The following ADAMTS19 variants were observed in gnomAD, a reference collection of about 807,000 sequenced individuals.
ADAMTS19 encodes the protein A disintegrin and metalloproteinase with thrombospondin motifs 19.
In ADAMTS19, 93 loss-of-function variants were observed where a neutral mutation model predicts 153.3. The observed-to-expected ratio is 0.61, with a 90% CI of 0.51 to 0.72. The LOEUF is 0.72. Among genes scored for constraint, ADAMTS19 ranks in the 30% least tolerant of loss-of-function variants. The pLI is 0.00. For synonymous variants in ADAMTS19, 600 were observed against 556.6 expected (o/e 1.08, Z -1.10); for missense variants, 1,482 against 1,552.1 (o/e 0.95, Z 0.76).
At chr5:129,661,541 C>T (rs1753813104) in intron 15 of ADAMTS19, among the ~76,000 whole-genome samples, 1 of 152,158 alleles carries the variant, frequency 6.6e-6, no homozygotes, top group Non-Finnish European at 1.5e-5. Context: ...GTATGAGTAA[C>T]CCACGTGCAA....
intron 6 of ADAMTS19, among the ~76,000 whole-genome samples, chr5:129,536,311 A>C (rs1458185884): frequency 6.6e-6 from 1 of 152,224 alleles, no homozygotes; most frequent in Admixed American, 6.5e-5. Context: ...ACATGAAAAA[A>C]TGCTCATCAT....
intron 2 of ADAMTS19, among the ~76,000 whole-genome samples, chr5:129,464,711 G>A (rs1580974181): frequency 1.3e-5 from 2 of 152,152 alleles, no homozygotes; most frequent in African/African-American, 4.8e-5. Flanking sequence ...GGCAAAGCCT[G>A]CCTCTTCAAA....
intron 2 of ADAMTS19, among the ~76,000 whole-genome samples, chr5:129,479,610 A>G (rs1750343450): frequency 6.6e-6 from 1 of 152,222 alleles, no homozygotes; most frequent in Admixed American, 6.5e-5. Context: ...GTTTAGCAAG[A>G]TGGCGGGATA....
At position 129,461,521 on chromosome 5, in the gene ADAMTS19, G is replaced by C. The variant is rs775740515; in HGVS notation, c.511G>C (p.Val171Leu). The change falls in exon 2 of 23, where the codon GTG becomes CTG. Residue 171 changes from valine (V) to leucine (L), a missense_variant. By Grantham distance (32) the Val-to-Leu change is conservative. This residue lies in a region of ADAMTS19 where 866 missense variants were observed against 827.7 expected (regional missense o/e 1.05). Coordinates refer to ENST00000274487, the MANE Select transcript of ADAMTS19 (RefSeq NM_133638.6). The surrounding 1 kb of genome is among the most constrained non-coding windows in gnomAD (Gnocchi z 4.6). ...GCATGCCGAGCCGGATGGCGACGAA[G>C]TGTTGCTGCGGATCCCGGCCTTCTC... is the stretch of plus-strand genomic sequence containing the variant. ...AQHAEPDGDE[V>L]LLRIPAFSRD... 2 of 1,524,670 alleles carry C rather than the reference G, an allele frequency of 1.3e-6. No homozygotes were observed. The highest frequency in any genetic ancestry group is 2.4e-5 in the South Asian group (2 of 83,080). 94.4% of individuals were successfully genotyped at this position (1,524,670 alleles called of 1,614,324 possible).
In ADAMTS19 at chr5:129,648,983, A is replaced by G. The variant is rs1415816965; in HGVS notation, c.2176+13A>G. 1 of 1,566,216 alleles carries G rather than the reference A, an allele frequency of 6.4e-7. No homozygotes were observed. Among genetic ancestry groups the G allele is most frequent in the African/African-American group, 1.3e-5 (1 of 74,104 alleles). On this transcript the variant is annotated intron_variant, in intron 13 of 22. Transcript: ENST00000274487. The stretch of plus-strand genomic sequence containing the variant: ...GTCCTGGATGAAGGTATGACCAACC[A>G]GATCACCACCATCTTTGTTAACTAG...
chr5:129,553,675 T>C (rs1753213255), intron 7 of ADAMTS19, among the ~76,000 whole-genome samples: 1 of 152,204 alleles, frequency 6.6e-6, no homozygotes, highest in Non-Finnish European at 1.5e-5. Flanking sequence ...TAGTTCTCCC[T>C]TCCGTATCTT....
At chr5:129,727,794 T>C (rs1757268503) in intron 21 of ADAMTS19, among the ~76,000 whole-genome samples, 1 of 152,152 alleles carries the variant, frequency 6.6e-6, no homozygotes, top group Non-Finnish European at 1.5e-5. Context: ...ACTAGCTTCT[T>C]TCTCTTAGCA....
intron 14 of ADAMTS19, among the ~76,000 whole-genome samples, chr5:129,655,808 G>A (rs1753523624): frequency 6.6e-6 from 1 of 152,158 alleles, no homozygotes; most frequent in African/African-American, 2.4e-5. Flanking sequence ...TTGCCAGTAG[G>A]CTATAAAGTT....
At chr5:129,530,286 G>A (rs1017628703) in intron 6 of ADAMTS19, among the ~76,000 whole-genome samples, 1 of 152,168 alleles carries the variant, frequency 6.6e-6, no homozygotes, top group African/African-American at 2.4e-5. Context: ...GATTAATGTT[G>A]TTGTAATTGG....
intron 16 of ADAMTS19, 35 bp from the exon 17 acceptor site, chr5:129,679,729 G>T (rs371218691): frequency 1.6e-5 from 25 of 1,531,170 alleles, no homozygotes; most frequent in Admixed American, 7.9e-5. Context: ...AAGCTGACTT[G>T]TTAATACTCA....
chr5:129,503,192 C>T (rs1351481796), intron 2 of ADAMTS19, among the ~76,000 whole-genome samples: 1 of 152,074 alleles, frequency 6.6e-6, no homozygotes, highest in African/African-American at 2.4e-5. Context: ...ATTCTCATAG[C>T]CTTATAGGCC....
At chr5:129,494,529 A>G (rs6888577) in intron 2 of ADAMTS19, among the ~76,000 whole-genome samples, 213 of 152,278 alleles carry the variant, frequency 1.4e-3, no homozygotes, top group African/African-American at 4.5e-3. Flanking sequence ...CTGAATGCCA[A>G]CTATCTGCCA....
rs188870277 is a variant in ADAMTS19, at chr5:129,553,060, G to C, written c.1372+1153G>C. 2.3e-4 allele frequency among the ~76,000 whole-genome samples: 35 copies of C among 152,118 alleles called. No homozygotes were observed. In the East Asian group the frequency reaches 6.8e-3, roughly 29 times the overall value. On this transcript the variant is annotated intron_variant, in intron 7 of 22. Transcript: ENST00000274487. ...TCTTCTTTTCCTGTCTGAATCTCCAGAATTTAAAACTTTATATCTGGTTTT... is the reference window on the plus strand; with the variant it reads ...TCTTCTTTTCCTGTCTGAATCTCCACAATTTAAAACTTTATATCTGGTTTT...
chr5:129,730,235 G>A (rs886346701), intron 21 of ADAMTS19, among the ~76,000 whole-genome samples: 3 of 152,026 alleles, frequency 2.0e-5, no homozygotes, highest in African/African-American at 7.2e-5. Flanking sequence ...TTATAATAAA[G>A]CTTACACTGA....
At position 129,461,764 on chromosome 5, in the gene ADAMTS19, G is replaced by T. The variant is rs145826534; in HGVS notation, c.747+7G>T. 3 of 1,482,582 alleles carry T rather than the reference G, an allele frequency of 2.0e-6. No individual in the cohort carries two copies. Among genetic ancestry groups the T allele is most frequent in the South Asian group, 1.4e-5 (1 of 72,948 alleles). The allele number at this position is 1,482,582 out of a possible 1,614,324, so 91.8% of individuals were successfully genotyped here. A position where few individuals can be genotyped will look rare whatever the true frequency, so the allele number is the denominator to read the frequency against. Reference sequence around the variant, plus strand: ...CACCTGTGGAGGTGGCCTGGTAAGCGCCTTCTTTCCCTAGCTCTCCATTTT... The same window carrying T: ...CACCTGTGGAGGTGGCCTGGTAAGCTCCTTCTTTCCCTAGCTCTCCATTTT... On this transcript the variant is annotated splice_region_variant and intron_variant, in intron 2 of 22. Transcript: ENST00000274487. This position sits in a 1 kb window ranked among gnomAD's most constrained non-coding sequence, Gnocchi z 4.6.
intron 7 of ADAMTS19, among the ~76,000 whole-genome samples, chr5:129,590,936 G>A (rs1416536367): frequency 1.3e-5 from 2 of 152,178 alleles, no homozygotes; most frequent in African/African-American, 4.8e-5. Context: ...TTTCACCTGT[G>A]CAGTTCCTTT....
At chr5:129,469,732 C>A (rs1336346553) in intron 2 of ADAMTS19, among the ~76,000 whole-genome samples, 1 of 152,116 alleles carries the variant, frequency 6.6e-6, no homozygotes, top group Admixed American at 6.5e-5. Context: ...TTGAAGGAAC[C>A]ATTTTCTTTG....
chr5:129,465,574 G>T (rs1192357377), intron 2 of ADAMTS19, among the ~76,000 whole-genome samples: 1 of 151,826 alleles, frequency 6.6e-6, no homozygotes, highest in African/African-American at 2.4e-5. Flanking sequence ...TATCTTATTT[G>T]CATTAAAGTA....
At chr5:129,734,785 C>G (rs1469814189) in intron 21 of ADAMTS19, 147 bp from the exon 22 acceptor site, 4 of 670,240 alleles carry the variant, frequency 6.0e-6, no homozygotes, top group Admixed American at 3.9e-5. Flanking sequence ...ATCAATGTTT[C>G]TGACCCATGT....
Sources: allele counts gnomAD v4.1 joint callset (sites outside exome capture counted in the v4.1 genomes callset), GRCh38; gene constraint gnomAD v4.1.1; regional missense constraint gnomAD v4.1.1; non-coding constraint Gnocchi (gnomAD v3.1); transcripts MANE v1.5; gene names NCBI Gene and HGNC (gene_info 2026-07-23, HGNC 2026-07-21).